Variants in EPM2A observed in about 807,000 individuals in gnomAD.
The protein encoded by EPM2A is EPM2A glucan phosphatase, laforin.
EPM2A carries 21 observed loss-of-function variants against 26.5 expected under a neutral mutation model. The observed-to-expected ratio is 0.79, with a 90% CI of 0.56 to 1.14. EPM2A has a LOEUF of 1.14. EPM2A is among the 50% of genes most tolerant of loss of function. The pLI is 0.00. For synonymous variants in EPM2A, 217 were observed against 177.6 expected (o/e 1.22, Z -1.76); for missense variants, 458 against 440.8 (o/e 1.04, Z -0.35).
chr6:145,531,957 C>T (rs930142964), intron 2 of EPM2A, among the ~76,000 whole-genome samples: 6 of 152,188 alleles, frequency 3.9e-5, no homozygotes, highest in African/African-American at 1.4e-4. Context: ...CAGCTTCTAA[C>T]AATGCGACTG....
Position 145,534,918 on chromosome 6 carries a change from G to A in EPM2A, c.341-32343C>T, listed in dbSNP as rs74993777. On this transcript the variant is annotated intron_variant, in intron 2 of 3. Transcript: ENST00000450221. ...AGGTACCACCTCACCTCTAGGTCCAGTGTACTTTAGATGATCACCGGCAAT... is the reference window on the plus strand; with the variant it reads ...AGGTACCACCTCACCTCTAGGTCCAATGTACTTTAGATGATCACCGGCAAT... Among the ~76,000 whole-genome samples, 24 of 152,268 alleles carry A rather than the reference G, an allele frequency of 1.6e-4. No individual in the cohort carries two copies. The East Asian group carries it at 4.6e-3, about 29-fold the overall frequency.
chr6:145,705,552 C>G (rs1442260830), intron 1 of EPM2A: 1 of 456,336 alleles, frequency 2.2e-6, no homozygotes. Context: ...GAGACCCTGT[C>G]TCAAAACAAA....
At chr6:145,411,029 A>G (rs1055245032) in intron 4 of EPM2A, among the ~76,000 whole-genome samples, 1 of 152,186 alleles carries the variant, frequency 6.6e-6, no homozygotes, top group Non-Finnish European at 1.5e-5. Flanking sequence ...ATATGAGATA[A>G]AAGAAGCTAA....
intron 4 of EPM2A, among the ~76,000 whole-genome samples, chr6:145,428,568 A>C (rs1778882100): frequency 6.6e-6 from 1 of 152,264 alleles, no homozygotes; most frequent in East Asian, 1.9e-4. Context: ...ACAATTATCC[A>C]TATCACATTA....
intron 1 of EPM2A, among the ~76,000 whole-genome samples, chr6:145,730,595 G>A (rs1776435173): frequency 6.6e-6 from 1 of 152,244 alleles, no homozygotes; most frequent in South Asian, 2.1e-4. Context: ...GAACAAGAGA[G>A]TGAGAGCTAG....
chr6:145,485,288 C>A (rs1021612791), intron 4 of EPM2A, among the ~76,000 whole-genome samples: 1 of 151,960 alleles, frequency 6.6e-6, no homozygotes, highest in African/African-American at 2.4e-5. Flanking sequence ...CAAAAGAGGA[C>A]ATAGTAACAT....
At chr6:145,692,300 T>C (rs1189404276) in intron 1 of EPM2A, among the ~76,000 whole-genome samples, 1 of 151,888 alleles carries the variant, frequency 6.6e-6, no homozygotes, top group Non-Finnish European at 1.5e-5. Flanking sequence ...CCAAAACAAT[T>C]GTTAGAACAA....
chr6:145,529,655 C>T (rs934691702), intron 2 of EPM2A, among the ~76,000 whole-genome samples: 2 of 152,104 alleles, frequency 1.3e-5, no homozygotes, highest in Non-Finnish European at 2.9e-5. Context: ...GTGATATTTG[C>T]TTTTTTGAGA....
chr6:145,621,812 T>C (rs76585044), downstream of EPM2A, among the ~76,000 whole-genome samples: 89 of 152,302 alleles, frequency 5.8e-4, 1 homozygote, highest in East Asian at 0.016. Context: ...GCTTGTGACG[T>C]GTTTGGGTTC....
chr6:145,488,924 T>C (rs530775493), intron 4 of EPM2A, among the ~76,000 whole-genome samples: 3 of 152,186 alleles, frequency 2.0e-5, no homozygotes, highest in African/African-American at 7.2e-5. Context: ...CTCGTGGTTG[T>C]TATTATAGGC....
chr6:145,549,814 G>C (rs1057347054), intron 2 of EPM2A, among the ~76,000 whole-genome samples: 2 of 152,118 alleles, frequency 1.3e-5, no homozygotes, highest in African/African-American at 4.8e-5. Flanking sequence ...GTAGTGTGCA[G>C]AAGCTTTACA....
chr6:145,645,378 C>T (rs1777385257), intron 2 of EPM2A, among the ~76,000 whole-genome samples: 1 of 152,158 alleles, frequency 6.6e-6, no homozygotes, highest in African/African-American at 2.4e-5. Flanking sequence ...ACAATCATGG[C>T]TCACTGTAGC....
intron 1 of EPM2A, among the ~76,000 whole-genome samples, chr6:145,703,155 C>G (rs1387664341): frequency 2.0e-5 from 3 of 149,514 alleles, no homozygotes; most frequent in African/African-American, 7.4e-5. Context: ...TGCAGTGGCA[C>G]CATCTCACTC....
chr6:145,525,442 A>G (rs1780258411), intron 2 of EPM2A, among the ~76,000 whole-genome samples: 1 of 151,986 alleles, frequency 6.6e-6, no homozygotes, highest in South Asian at 2.1e-4. Flanking sequence ...TGAGCATGGA[A>G]TGTTTTTCCA....
intron 2 of EPM2A, among the ~76,000 whole-genome samples, chr6:145,662,835 G>A (rs1455294587): frequency 2.6e-5 from 4 of 152,130 alleles, no homozygotes; most frequent in African/African-American, 9.7e-5. Context: ...GATTTTACAA[G>A]GAAAGTGCTT....
At chr6:145,552,467 C>T (rs1780669685) in intron 2 of EPM2A, among the ~76,000 whole-genome samples, 1 of 151,962 alleles carries the variant, frequency 6.6e-6, no homozygotes, top group Non-Finnish European at 1.5e-5. Context: ...CACCGTCAGC[C>T]TAGATTTCCT....
At chr6:145,727,959 G>C (rs933735678) in intron 1 of EPM2A, among the ~76,000 whole-genome samples, 1 of 152,154 alleles carries the variant, frequency 6.6e-6, no homozygotes, top group African/African-American at 2.4e-5. Flanking sequence ...TGCTGTTCTT[G>C]TGAAAGTGCA....
chr6:145,555,093 G>C (rs749115367), intron 2 of EPM2A, among the ~76,000 whole-genome samples: 3 of 152,002 alleles, frequency 2.0e-5, no homozygotes, highest in Non-Finnish European at 4.4e-5. Context: ...ATGATCACAG[G>C]CTCAGTTCTT....
At chr6:145,495,091 A>C (rs372378) in intron 4 of EPM2A, among the ~76,000 whole-genome samples, 3 of 151,842 alleles carry the variant, frequency 2.0e-5, no homozygotes, top group Admixed American at 2.0e-4. Flanking sequence ...GGATGGTAAA[A>C]TTTCCTCCTA....
Sources: gnomAD v4.1 joint callset for allele counts (sites outside exome capture counted in the v4.1 genomes callset) on GRCh38, gnomAD v4.1.1 for gene constraint, MANE v1.5 for transcripts, NCBI Gene and HGNC (gene_info 2026-07-23, HGNC 2026-07-21) for gene names.